SCD5: variants seen among roughly 807,000 people sequenced by gnomAD.
SCD5 encodes the protein stearoyl-CoA desaturase 5.
In SCD5, 20 loss-of-function variants were observed where a neutral mutation model predicts 30.4. That is an observed-to-expected ratio of 0.66 (90% CI 0.46 to 0.96). The LOEUF is 0.96. SCD5 is among the 40% of genes least tolerant of loss of function. The probability of loss-of-function intolerance (pLI) is 0.00; values close to 1 mark genes in which losing one functional copy is unlikely to be tolerated. For synonymous variants in SCD5, 173 were observed against 176.4 expected (o/e 0.98, Z 0.16); for missense variants, 381 against 443.3 (o/e 0.86, Z 1.26).
chr4:82,677,459 C>T (rs1029187571), intron 3 of SCD5, among the ~76,000 whole-genome samples: 8 of 152,196 alleles, frequency 5.3e-5, no homozygotes, highest in African/African-American at 1.9e-4. Flanking sequence ...AAGATCCACC[C>T]CTTCAGCTCC....
intron 1 of SCD5, among the ~76,000 whole-genome samples, chr4:82,784,683 T>A (rs1168884945): frequency 6.6e-6 from 1 of 152,200 alleles, no homozygotes; most frequent in Non-Finnish European, 1.5e-5. Flanking sequence ...TAAGCCAGAA[T>A]AACAGACTGT....
At chr4:82,664,561 T>G (rs1424842960) in intron 3 of SCD5, among the ~76,000 whole-genome samples, 1 of 152,118 alleles carries the variant, frequency 6.6e-6, no homozygotes, top group East Asian at 1.9e-4. Context: ...ATGAACATGT[T>G]AAAGGGATCT....
At chr4:82,727,105 A>C (rs575858764) in intron 1 of SCD5, among the ~76,000 whole-genome samples, 60 of 152,248 alleles carry the variant, frequency 3.9e-4, no homozygotes, top group Admixed American at 1.0e-3. Context: ...GTTCATATCT[A>C]AGTAAGGAGA....
At chr4:82,730,249 AAT>A (rs1720599391) in intron 1 of SCD5, among the ~76,000 whole-genome samples, 1 of 114,142 alleles carries the variant, frequency 8.8e-6, no homozygotes, top group Admixed American at 1.1e-4. Context: ...AAAAACATAT[AAT>A]ATATTATACA....
At chr4:82,669,700 G>GA (rs1012036127) in intron 3 of SCD5, among the ~76,000 whole-genome samples, 162 of 149,002 alleles carry the variant, frequency 1.1e-3, no homozygotes, top group African/African-American at 3.4e-3. Flanking sequence ...GTAAGTATCA[G>GA]AAAAAAAAAA....
chr4:82,698,814 C>T (rs1719752363), intron 2 of SCD5, among the ~76,000 whole-genome samples: 1 of 152,220 alleles, frequency 6.6e-6, no homozygotes, highest in African/African-American at 2.4e-5. Flanking sequence ...TGTAAAGATG[C>T]CCCATCTTGG....
chr4:82,675,398 T>C (rs1406635056), intron 3 of SCD5, among the ~76,000 whole-genome samples: 1 of 152,160 alleles, frequency 6.6e-6, no homozygotes, highest in Non-Finnish European at 1.5e-5. Context: ...GACTAGGGGA[T>C]GAATTGAGGT....
chr4:82,657,503 CT>C (rs1727888258), intron 3 of SCD5, among the ~76,000 whole-genome samples: 1 of 152,144 alleles, frequency 6.6e-6, no homozygotes, highest in African/African-American at 2.4e-5. Context: ...TTACTGTAGC[CT>C]GGTAATATAG....
At chr4:82,789,772 G>A (rs1722061990) in intron 1 of SCD5, among the ~76,000 whole-genome samples, 1 of 152,088 alleles carries the variant, frequency 6.6e-6, no homozygotes, top group Non-Finnish European at 1.5e-5. Flanking sequence ...CCTGGAATGT[G>A]GGCTCGTGGG....
Position 82,798,767 on chromosome 4 carries a change from A to C in SCD5, c.-230T>G. On this transcript the variant is annotated 5_prime_UTR_variant, in exon 1 of 5. Transcript: ENST00000319540. ...CGTCTGTTGCTGGCGTATCCCCCAT[A>C]TGGCTGCCCGGGCTGAACTCGGCCG... is the stretch of plus-strand genomic sequence containing the variant. The C allele has an allele frequency of 1.7e-4, 79 of 461,126 alleles. No individual in the cohort carries two copies. Among genetic ancestry groups the C allele is most frequent in the Middle Eastern group, 5.7e-4 (1 of 1,758 alleles). 28.6% of individuals were successfully genotyped at this position (461,126 alleles called of 1,614,324 possible).
chr4:82,776,244 G>A (rs1022600331), intron 1 of SCD5: 1 of 152,240 alleles, frequency 6.6e-6, no homozygotes, highest in Non-Finnish European at 1.5e-5. Context: ...GTGCTCTGGT[G>A]TAAAGTGCCA....
At chr4:82,636,363 A>C (rs1727429086) in intron 4 of SCD5, among the ~76,000 whole-genome samples, 2 of 151,456 alleles carry the variant, frequency 1.3e-5, no homozygotes, top group African/African-American at 4.9e-5. Flanking sequence ...AGGCAGGAGA[A>C]TTGCTTGAAC....
intron 1 of SCD5, among the ~76,000 whole-genome samples, chr4:82,748,404 G>A (rs1269436674): frequency 6.6e-6 from 1 of 152,142 alleles, no homozygotes; most frequent in African/African-American, 2.4e-5. Context: ...TGGACCAGCT[G>A]GATGAGGACG....
intron 1 of SCD5, among the ~76,000 whole-genome samples, chr4:82,759,006 C>G (rs1008109125): frequency 6.6e-6 from 1 of 152,200 alleles, no homozygotes; most frequent in Admixed American, 6.6e-5. Context: ...CCGCTGACAC[C>G]GGCAACTGCT....
chr4:82,653,369 G>C (rs536150631), intron 3 of SCD5, among the ~76,000 whole-genome samples: 4 of 152,108 alleles, frequency 2.6e-5, no homozygotes, highest in Admixed American at 6.6e-5. Context: ...AGCTACCACA[G>C]TTGTAGACTC....
chr4:82,730,183 A>AT (rs761931437), intron 1 of SCD5, among the ~76,000 whole-genome samples: 17 of 148,506 alleles, frequency 1.1e-4, no homozygotes, highest in Admixed American at 3.4e-4. Context: ...TAAGGGGGAA[A>AT]ATATATGTAT....
At chr4:82,685,948 T>C (rs1728694406) in intron 2 of SCD5, among the ~76,000 whole-genome samples, 1 of 152,040 alleles carries the variant, frequency 6.6e-6, no homozygotes. Flanking sequence ...AAGTGCTCAG[T>C]AGCCACACGT....
At chr4:82,769,069 C>T (rs1282759353) in intron 1 of SCD5, among the ~76,000 whole-genome samples, 1 of 152,038 alleles carries the variant, frequency 6.6e-6, no homozygotes, top group Non-Finnish European at 1.5e-5. Context: ...TGTCATTCTC[C>T]TCAACTCACC....
intron 2 of SCD5, among the ~76,000 whole-genome samples, chr4:82,698,300 T>C (rs1299669966): frequency 6.6e-6 from 1 of 152,078 alleles, no homozygotes; most frequent in Non-Finnish European, 1.5e-5. Flanking sequence ...AGTTCTGGTG[T>C]TTTGTTCTCT....
Sources: allele counts gnomAD v4.1 joint callset (sites outside exome capture counted in the v4.1 genomes callset), GRCh38; gene constraint gnomAD v4.1.1; transcripts MANE v1.5; gene names NCBI Gene and HGNC (gene_info 2026-07-23, HGNC 2026-07-21).